The following KLRG2 variants were observed in gnomAD, a reference collection of about 807,000 sequenced individuals.
The protein encoded by KLRG2 is killer cell lectin-like receptor subfamily G member 2.
In KLRG2, 39 loss-of-function variants were observed where a neutral mutation model predicts 35.4. That is an observed-to-expected ratio of 1.10 (90% CI 0.85 to 1.44). The LOEUF is 1.44. KLRG2 is among the 40% of genes most tolerant of loss of function. The probability of loss-of-function intolerance (pLI) is 0.00; values close to 1 mark genes in which losing one functional copy is unlikely to be tolerated. For synonymous variants in KLRG2, 283 were observed against 265.8 expected (o/e 1.06, Z -0.63); for missense variants, 632 against 570.9 (o/e 1.11, Z -1.09).
At chr7:139,463,403 G>C (rs1474709095) in intron 3 of KLRG2, among the ~76,000 whole-genome samples, 3 of 152,180 alleles carry the variant, frequency 2.0e-5, no homozygotes, top group African/African-American at 7.2e-5. Flanking sequence ...GAGGCAGCCA[G>C]ACAGCAACGC....
At chr7:139,455,637 GA>G (rs907868303) in intron 3 of KLRG2, among the ~76,000 whole-genome samples, 6 of 151,986 alleles carry the variant, frequency 3.9e-5, no homozygotes, top group African/African-American at 1.4e-4. Flanking sequence ...TTTTAACTTG[GA>G]AAAAAAAGTT....
Position 139,483,224 on chromosome 7 carries a change from C to G in KLRG2, c.419G>C (p.Ser140Thr), listed in dbSNP as rs1276739495. Residue 140 changes from serine to threonine, a missense_variant, in exon 1 of 5, where the codon AGC becomes ACC. Physicochemically the swap from Ser to Thr is moderately conservative, Grantham distance 58 (BLOSUM62 1). Transcript: ENST00000340940. Reference protein sequence around the residue: ...VKPVGAAGGSSTPSPRPSTRF... With the variant: ...VKPVGAAGGSTTPSPRPSTRF... ...CGTGGAGGGCCTGGGCGATGGCGTG[C>G]TGCTGCCACCGGCCGCGCCCACGGG... The G allele has an allele frequency of 6.5e-7, 1 of 1,533,792 alleles. No individual in the cohort carries two copies. Among genetic ancestry groups the G allele is most frequent in the Non-Finnish European group, 8.7e-7 (1 of 1,150,924 alleles).
intron 1 of KLRG2, 126 bp downstream of exon 1, chr7:139,482,760 C>T: frequency 1.3e-6 from 1 of 792,042 alleles, no homozygotes; most frequent in South Asian, 3.6e-5. Flanking sequence ...GGTTGGGGAT[C>T]GGGATGGCCA....
chr7:139,470,572 G>A (rs1796738615), intron 3 of KLRG2, among the ~76,000 whole-genome samples: 1 of 152,128 alleles, frequency 6.6e-6, no homozygotes, highest in East Asian at 1.9e-4. Context: ...TGGGAGGATC[G>A]CTTGAGGCCA....
At position 139,452,747 on chromosome 7, in the gene KLRG2, C is replaced by T. The variant is rs1347159109; in HGVS notation, c.*840G>A. 1 of 152,300 alleles carries T rather than the reference C, an allele frequency of 6.6e-6. No homozygotes were observed. Among genetic ancestry groups the T allele is most frequent in the East Asian group, 1.9e-4 (1 of 5,200 alleles). The allele number at this position is 152,300 out of a possible 1,614,324, so 9.4% of individuals were successfully genotyped here. A position where few individuals can be genotyped will look rare whatever the true frequency, so the allele number is the denominator to read the frequency against. ...CAGCCTGAAGGTCTTCACTGCACCC[C>T]AGCATGGAGACATCTTCAGGTTGGT... On this transcript the variant is annotated 3_prime_UTR_variant, in exon 5 of 5. Coordinates refer to ENST00000340940, the MANE Select transcript of KLRG2 (RefSeq NM_198508.4).
At chr7:139,476,494 A>G (rs902835151) in intron 3 of KLRG2, among the ~76,000 whole-genome samples, 1 of 150,306 alleles carries the variant, frequency 6.7e-6, no homozygotes, top group South Asian at 2.1e-4. Flanking sequence ...CAGGCTGGAG[A>G]GCAGTGGCGC....
At chr7:139,440,612 G>GAGATTAAAAA in the KLRG2 span, among the ~76,000 whole-genome samples, 565 of 151,864 alleles carry the variant, frequency 3.7e-3, 6 homozygotes, top group African/African-American at 0.013. Context: ...CCAACCTAAT[G>GAGATTAAAAA]ATCTCATCTA....
chr7:139,450,574 C>A (rs1796363848), downstream of KLRG2, among the ~76,000 whole-genome samples: 1 of 152,066 alleles, frequency 6.6e-6, no homozygotes, highest in African/African-American at 2.4e-5. Flanking sequence ...ACTTACAAAG[C>A]CATTTTTAAA....
At chr7:139,472,129 G>C (rs1158469587) in intron 3 of KLRG2, among the ~76,000 whole-genome samples, 8 of 152,122 alleles carry the variant, frequency 5.3e-5, no homozygotes, top group Non-Finnish European at 1.2e-4. Context: ...CCTCCCTATT[G>C]TGTGGGGCAG....
At chr7:139,440,235 G>A in the KLRG2 span, among the ~76,000 whole-genome samples, 12 of 151,616 alleles carry the variant, frequency 7.9e-5, no homozygotes, top group Middle Eastern at 3.4e-3. Context: ...TCAGCCTCCT[G>A]AGTAGCTGGA....
chr7:139,480,439 C>CTTTTTTTTT (rs892455272), intron 1 of KLRG2, among the ~76,000 whole-genome samples, 192 bp from the exon 2 acceptor site: 1 of 85,202 alleles, frequency 1.2e-5, no homozygotes, highest in East Asian at 4.8e-4. Flanking sequence ...GCCAGATATT[C>CTTTTTTTTT]TTTTTTTTTT....
At chr7:139,439,886 TA>T in the KLRG2 span, among the ~76,000 whole-genome samples, 2 of 151,812 alleles carry the variant, frequency 1.3e-5, no homozygotes, top group Non-Finnish European at 2.9e-5. Context: ...TAAAAACAAT[TA>T]AAAAAAACCA....
intron 3 of KLRG2, among the ~76,000 whole-genome samples, chr7:139,470,061 T>G (rs1200918007): frequency 6.6e-6 from 1 of 151,562 alleles, no homozygotes; most frequent in Non-Finnish European, 1.5e-5. Context: ...GGGTAAGCAA[T>G]TCTTTTTTTT....
At chr7:139,438,635 GAAATA>G in the KLRG2 span, among the ~76,000 whole-genome samples, 2 of 151,720 alleles carry the variant, frequency 1.3e-5, no homozygotes, top group African/African-American at 4.9e-5. Context: ...ATTGTTGGTG[GAAATA>G]GAACATGATA....
chr7:139,479,014 C>T (rs2116480534), intron 3 of KLRG2, among the ~76,000 whole-genome samples: 1 of 152,070 alleles, frequency 6.6e-6, no homozygotes, highest in African/African-American at 2.4e-5. Context: ...TCACTTGAGG[C>T]CAGAAGTTTG....
Position 139,479,660 on chromosome 7 carries a change from G to A in KLRG2, c.972C>T (p.Tyr324=), listed in dbSNP as rs1271040147. Residue 324 remains tyrosine (Y), a synonymous_variant, in exon 3 of 5, where the codon TAC becomes TAT. Coordinates refer to ENST00000340940, the MANE Select transcript of KLRG2 (RefSeq NM_198508.4). ...GGCTTAGCAGGGGGAGGGTAGCGTG[G>A]TAGGCTGAGCAGAAAGCCTGGCTGG... ...WEASQAFCSA[Y]HATLPLLSHT... is the part of the protein sequence containing the mutation. 3 of 1,613,696 alleles carry A rather than the reference G, an allele frequency of 1.9e-6. No homozygotes were observed. The highest frequency in any genetic ancestry group is 2.5e-6 in the Non-Finnish European group (3 of 1,180,022).
At chr7:139,461,426 C>T (rs959755106) in intron 3 of KLRG2, among the ~76,000 whole-genome samples, 1 of 152,148 alleles carries the variant, frequency 6.6e-6, no homozygotes, top group African/African-American at 2.4e-5. Context: ...AAAAACGAAT[C>T]GTTATCTTCA....
At chr7:139,459,773 C>T (rs377187776) in intron 3 of KLRG2, among the ~76,000 whole-genome samples, 10 of 150,662 alleles carry the variant, frequency 6.6e-5, no homozygotes, top group East Asian at 5.8e-4. Flanking sequence ...TTTTTTGAGA[C>T]GGAGTTTTAC....
At chr7:139,452,049 A>G (rs1585159773), downstream of KLRG2, among the ~76,000 whole-genome samples, 1 of 148,664 alleles carries the variant, frequency 6.7e-6, no homozygotes, top group Non-Finnish European at 1.5e-5. Context: ...GCTCACTGCA[A>G]CCTCCGCCTC....
Sources: gnomAD v4.1 joint callset for allele counts (sites outside exome capture counted in the v4.1 genomes callset) on GRCh38, gnomAD v4.1.1 for gene constraint, MANE v1.5 for transcripts, NCBI Gene and HGNC (gene_info 2026-07-23, HGNC 2026-07-21) for gene names.